The following AKAP13 variants were observed in gnomAD, a reference collection of about 807,000 sequenced individuals.
AKAP13 encodes the protein A-kinase anchor protein 13.
Under a neutral mutation model 264.5 loss-of-function variants are expected in AKAP13, and 80 were observed. The observed-to-expected ratio is 0.30, with a 90% CI of 0.25 to 0.36. The LOEUF (loss-of-function observed/expected upper bound fraction) is 0.36, where lower values mean the gene tolerates loss of function less well. AKAP13 is among the 10% of genes least tolerant of loss of function. The probability of loss-of-function intolerance (pLI) is 1.00; values close to 1 mark genes in which losing one functional copy is unlikely to be tolerated. For missense variants in AKAP13, 3,712 were observed against 3,435.2 expected (o/e 1.08, Z -2.01); for synonymous variants, 1,380 against 1,250.2 (o/e 1.10, Z -2.19).
intron 5 of AKAP13, among the ~76,000 whole-genome samples, chr15:85,563,339 TTTTTTTTTTTTTTTTA>T (rs1298548860): frequency 2.2e-5 from 3 of 136,292 alleles, no homozygotes; most frequent in Non-Finnish European, 4.7e-5. Context: ...GTTTTTTTTT[TTTTTTTTTTTTTTTTA>T]AAGACGGAGA....
In AKAP13 at chr15:85,452,425, T is replaced by G. The variant is rs564704573; in HGVS notation, c.-11-33285T>G. 9.8e-5 allele frequency among the ~76,000 whole-genome samples: 15 copies of G among 152,354 alleles called. 1 individual carries two copies. Among genetic ancestry groups the G allele is most frequent in the Admixed American group, 5.2e-4 (8 of 15,308 alleles). ...TTGTTGGAGAACTGGTACAGTCATT[T>G]GAAGGACATATGACACTCTGGCCAT... On this transcript the variant is annotated intron_variant, in intron 1 of 36. Transcript: ENST00000394518.
intron 1 of AKAP13, among the ~76,000 whole-genome samples, chr15:85,384,594 G>C (rs1234936772): frequency 1.3e-5 from 2 of 151,966 alleles, no homozygotes; most frequent in Non-Finnish European, 2.9e-5. Flanking sequence ...GCAGGTGCCT[G>C]TAATCCCAGC....
At chr15:85,556,695 C>T (rs867745629) in intron 5 of AKAP13, among the ~76,000 whole-genome samples, 2 of 152,148 alleles carry the variant, frequency 1.3e-5, no homozygotes, top group Non-Finnish European at 2.9e-5. Flanking sequence ...CTGGCTGTAA[C>T]CTCCCTGGCC....
chr15:85,401,841 C>G (rs928992758), intron 1 of AKAP13, among the ~76,000 whole-genome samples: 1 of 151,682 alleles, frequency 6.6e-6, no homozygotes, highest in African/African-American at 2.4e-5. Flanking sequence ...TAATGGGGAA[C>G]AAAATAATAA....
At position 85,650,764 on chromosome 15, in the gene AKAP13, A is replaced by G. The variant is rs199569460; in HGVS notation, c.4375-4653A>G. ...GAGTGAGACTCCATCTCAAAAAAAA[A>G]AAAAAAAAAAAAAAAAAAAAAAAAA... On this transcript the variant is annotated intron_variant, in intron 10 of 36. Coordinates refer to ENST00000394518, the MANE Select transcript of AKAP13 (RefSeq NM_007200.5). Among the ~76,000 whole-genome samples the G allele has an allele frequency of 2.6e-4, 28 of 107,780 alleles. No individual in the cohort carries two copies. In the East Asian group the frequency reaches 9.7e-3, roughly 37 times the overall value. The allele number at this position is 107,780 out of a possible 152,430, so 70.7% of individuals were successfully genotyped here. A position where few individuals can be genotyped will look rare whatever the true frequency, so the allele number is the denominator to read the frequency against.
chr15:85,387,132 C>G (rs952582183), intron 1 of AKAP13, among the ~76,000 whole-genome samples: 9 of 151,686 alleles, frequency 5.9e-5, no homozygotes, highest in Non-Finnish European at 1.2e-4. Flanking sequence ...ATCAGGAGTT[C>G]GAGACCAGCC....
intron 2 of AKAP13, among the ~76,000 whole-genome samples, chr15:85,488,564 G>A (rs866271924): frequency 6.6e-6 from 1 of 152,296 alleles, no homozygotes; most frequent in Middle Eastern, 3.4e-3. Flanking sequence ...TTAAGTTGAG[G>A]ATCTTAAGAT....
At chr15:85,743,425 T>C (rs1240982754) in intron 35 of AKAP13, 67 bp from the exon 36 acceptor site, 4 of 1,528,340 alleles carry the variant, frequency 2.6e-6, no homozygotes, top group Non-Finnish European at 1.8e-6. Flanking sequence ...TCAGCCAGGA[T>C]TTATTGAGTT....
chr15:85,426,957 T>TTG (rs1417722587), intron 1 of AKAP13, among the ~76,000 whole-genome samples: 1 of 144,788 alleles, frequency 6.9e-6, no homozygotes, highest in Non-Finnish European at 1.5e-5. Context: ...TTTGTTTTGT[T>TTG]TTTTTTTTTT....
chr15:85,695,202 C>T (rs2085499819), intron 17 of AKAP13, among the ~76,000 whole-genome samples: 1 of 152,114 alleles, frequency 6.6e-6, no homozygotes, highest in African/African-American at 2.4e-5. Context: ...GTCAGAAATT[C>T]GAAACCAGCC....
Position 85,744,877 on chromosome 15 carries a change from C to T in AKAP13, c.*200C>T, listed in dbSNP as rs527312370. 11 of 515,178 alleles carry T rather than the reference C, an allele frequency of 2.1e-5. No homozygotes were observed. Among genetic ancestry groups the T allele is most frequent in the African/African-American group, 1.6e-4 (8 of 50,198 alleles). 31.9% of individuals were successfully genotyped at this position (515,178 alleles called of 1,614,324 possible). ...GGGGAAGGAGGCCCAGACTCTGCTT[C>T]GGCCATGATTTGTGACTGCCCAGGA... On this transcript the variant is annotated 3_prime_UTR_variant, in exon 37 of 37. Coordinates refer to ENST00000394518, the MANE Select transcript of AKAP13 (RefSeq NM_007200.5).
At chr15:85,735,425 C>A in intron 31 of AKAP13, 135 bp from the exon 32 acceptor site, 1 of 924,720 alleles carries the variant, frequency 1.1e-6, no homozygotes, top group Non-Finnish European at 1.6e-6. Context: ...TAGCTGCCAC[C>A]AAGCAGCTCC....
At position 85,718,840 on chromosome 15, in the gene AKAP13, C is replaced by CA. The variant is rs2087114419; in HGVS notation, c.6002-234dup. The stretch of plus-strand genomic sequence containing the variant: ...GCTTGAGCCCAGGAGGTTGAGGCTG[C>CA]AATGAGCCATGACTTCAGCCTGCAC... On this transcript the variant is annotated intron_variant, in intron 22 of 36. Transcript: ENST00000394518. The surrounding 1 kb of genome is among the most constrained non-coding windows in gnomAD (Gnocchi z 4.9). 4.1e-6 allele frequency: 2 copies of CA among 483,682 alleles called. No individual in the cohort carries two copies. Among genetic ancestry groups the CA allele is most frequent in the African/African-American group, 3.9e-5 (2 of 50,832 alleles). The allele number at this position is 483,682 out of a possible 1,614,324, so 30.0% of individuals were successfully genotyped here.
At chr15:85,673,287 G>A (rs765260703) in intron 14 of AKAP13, among the ~76,000 whole-genome samples, 8 of 152,186 alleles carry the variant, frequency 5.3e-5, no homozygotes, top group Non-Finnish European at 1.2e-4. Flanking sequence ...TTCTGGGGTG[G>A]AGAGTAGGCA....
intron 1 of AKAP13, among the ~76,000 whole-genome samples, chr15:85,463,756 G>A (rs955235692): frequency 1.3e-5 from 2 of 152,010 alleles, no homozygotes; most frequent in African/African-American, 4.8e-5. Context: ...TGATATCTGA[G>A]TCAGCTGCAA....
Position 85,735,066 on chromosome 15 carries a change from C to G in AKAP13, c.7357C>G (p.Gln2453Glu), listed in dbSNP as rs755786540. The change falls in exon 31 of 37, where the codon CAA (glutamine) becomes GAA (glutamate). Residue 2453 changes from glutamine (Q) to glutamate (E), a missense_variant. Gln to Glu is a conservative substitution (Grantham distance 29, BLOSUM62 2). This residue lies in a region of AKAP13 where 611 missense variants were observed against 539.3 expected (regional missense o/e 1.13). Transcript: ENST00000394518. The stretch of plus-strand genomic sequence containing the variant: ...GCCGACTGTCAGCAGCCCCATTGAG[C>G]AAGATGTGGTCGGTCCCGTTTCCCT... ...LGPTVSSPIE[Q>E]DVVGPVSLPR... 96 of 1,614,116 alleles carry G rather than the reference C, an allele frequency of 5.9e-5. No homozygotes were observed. In the Admixed American group the frequency reaches 1.6e-3, roughly 27 times the overall value.
Position 85,578,965 on chromosome 15 carries a change from C to G in AKAP13, c.897C>G (p.Pro299=), listed in dbSNP as rs765645331. The G allele has an allele frequency of 3.7e-6, 6 of 1,613,886 alleles. No individual in the cohort carries two copies. In the African/African-American group the frequency reaches 5.3e-5, roughly 14 times the overall value. ...TCAAGCAGATGGACAGTCTTATGCC[C>G]TTAATGATGACAGCACAGGATCCTT... ...TNLKQMDSLM[P]LMMTAQDPSS... is the part of the protein sequence containing the mutation. The change falls in exon 7 of 37, where the codon CCC becomes CCG. Residue 299 remains proline, a synonymous_variant. Coordinates refer to ENST00000394518, the MANE Select transcript of AKAP13 (RefSeq NM_007200.5).
intron 5 of AKAP13, among the ~76,000 whole-genome samples, chr15:85,558,124 TA>T (rs922399942): frequency 6.6e-6 from 1 of 152,106 alleles, no homozygotes; most frequent in Non-Finnish European, 1.5e-5. Context: ...ATTGAAAAGT[TA>T]AAAAAAATCT....
chr15:85,696,736 C>G (rs920966564), intron 17 of AKAP13, among the ~76,000 whole-genome samples: 1 of 152,148 alleles, frequency 6.6e-6, no homozygotes, highest in Admixed American at 6.5e-5. Context: ...TAATACATAG[C>G]TGAACCTGCC....
Sources: gnomAD v4.1 joint callset for allele counts (sites outside exome capture counted in the v4.1 genomes callset) on GRCh38, gnomAD v4.1.1 for gene constraint, gnomAD v4.1.1 regional missense constraint, Gnocchi (gnomAD v3.1) non-coding constraint, MANE v1.5 for transcripts, NCBI Gene and HGNC (gene_info 2026-07-23, HGNC 2026-07-21) for gene names.